GPR55: variants seen among roughly 807,000 people sequenced by gnomAD.
GPR55 encodes the protein G protein-coupled receptor 55.
In GPR55, 6 loss-of-function variants were observed where a neutral mutation model predicts 7.9. The ratio of observed to expected loss-of-function variants is 0.76; its 90% CI spans 0.41 to 1.49. The LOEUF is 1.49. Ranked by LOEUF, GPR55 falls within the 40% of genes most tolerant of loss-of-function variation. GPR55 has a pLI of 0.01. For missense variants in GPR55, 376 were observed against 406.0 expected (o/e 0.93, Z 0.63); for synonymous variants, 183 against 166.8 (o/e 1.10, Z -0.75).
chr2:230,931,709 C>G (rs1012709839), intron 1 of GPR55, among the ~76,000 whole-genome samples: 5 of 152,140 alleles, frequency 3.3e-5, no homozygotes, highest in Non-Finnish European at 7.4e-5. Flanking sequence ...GGTGCGACCT[C>G]CTGCTGCTCT....
intron 1 of GPR55, among the ~76,000 whole-genome samples, chr2:230,940,015 A>G (rs1691199148): frequency 6.6e-6 from 1 of 152,094 alleles, no homozygotes; most frequent in African/African-American, 2.4e-5. Flanking sequence ...GTAGGCCCAA[A>G]GTGTCCTGCC....
chr2:230,926,910 C>T (rs1032293846), upstream of GPR55, among the ~76,000 whole-genome samples: 1 of 151,938 alleles, frequency 6.6e-6, no homozygotes, highest in African/African-American at 2.4e-5. Context: ...TCAGGCTGGT[C>T]TTGAACTCCC....
chr2:230,910,796 T>C lies in GPR55; in HGVS notation c.167A>G (p.Tyr56Cys), dbSNP rs768593618. Residue 56 changes from tyrosine to cysteine, a missense_variant, in exon 2 of 2, where the codon TAT (tyrosine) becomes TGT (cysteine). Transcript: ENST00000650999. The surrounding 1 kb of genome is among the most constrained non-coding windows in gnomAD (Gnocchi z 5.4). ...GATCATGTAGATGGAGGTGGCAGCA[T>C]AATCGGGCCACCTGTTCTTAAGGAA... Reference protein sequence around the residue: ...STFLKNRWPDYAATSIYMINL... With the variant: ...STFLKNRWPDCAATSIYMINL... The C allele has an allele frequency of 2.0e-5, 32 of 1,613,572 alleles. No homozygotes were observed. The highest frequency in any genetic ancestry group is 2.5e-5 in the Non-Finnish European group (29 of 1,179,772).
intron 1 of GPR55, among the ~76,000 whole-genome samples, chr2:230,949,170 TTTG>T (rs1401047296): frequency 6.6e-6 from 1 of 151,968 alleles, no homozygotes; most frequent in Non-Finnish European, 1.5e-5. Context: ...TGTTTGTTTG[TTTG>T]TTTTCTTTGA....
Position 230,930,515 on chromosome 2 carries a change from A to G in GPR55, c.-134-19419T>C, listed in dbSNP as rs948696057. Among the ~76,000 whole-genome samples the G allele has an allele frequency of 4.1e-5, 6 of 147,176 alleles. No individual in the cohort carries two copies. The Admixed American group carries it at 4.1e-4, about 10-fold the overall frequency. Reference sequence around the variant, plus strand: ...ACTTAGGCTGGGGTGCAGTGGCATGATCTCAGCTCACTGCAACCTTCGTTT... The same window carrying G: ...ACTTAGGCTGGGGTGCAGTGGCATGGTCTCAGCTCACTGCAACCTTCGTTT... On this transcript the variant is annotated intron_variant, in intron 1 of 1. Coordinates refer to the GPR55 transcript ENST00000392039.
intron 1 of GPR55, among the ~76,000 whole-genome samples, chr2:230,914,150 C>T (rs1458569055): frequency 6.6e-6 from 1 of 152,224 alleles, no homozygotes; most frequent in Admixed American, 6.5e-5. Context: ...CAAACCCAGA[C>T]ACAGTGTGTG....
Position 230,911,082 on chromosome 2 carries a change from C to T in GPR55, c.-120G>A. On this transcript the variant is annotated 5_prime_UTR_variant, in exon 2 of 2. Transcript: ENST00000650999. The stretch of plus-strand genomic sequence containing the variant: ...CCCCAGCATCACACAGCAATTCATG[C>T]CCATTGAATCACAACTAGAACACAG... 1 of 993,320 alleles carries T rather than the reference C, an allele frequency of 1.0e-6. No individual in the cohort carries two copies. Among genetic ancestry groups the T allele is most frequent in the Non-Finnish European group, 1.5e-6 (1 of 660,670 alleles). The allele number at this position is 993,320 out of a possible 1,614,324, so 61.5% of individuals were successfully genotyped here.
chr2:230,910,106 A>T lies in GPR55; in HGVS notation c.857T>A (p.Phe286Tyr). The change falls in exon 2 of 2, where the codon TTC (phenylalanine) becomes TAC (tyrosine). Residue 286 changes from phenylalanine to tyrosine, a missense_variant. Physicochemically the swap from Phe to Tyr is conservative, Grantham distance 22. Transcript: ENST00000650999. This position sits in a 1 kb window ranked among gnomAD's most constrained non-coding sequence, Gnocchi z 5.4. ...FSNVNCCLDVFCYYFVIKEFR... is the reference protein window; with the variant it reads ...FSNVNCCLDVYCYYFVIKEFR... The stretch of plus-strand genomic sequence containing the variant: ...TTCTTTGATGACAAAGTAGTAGCAG[A>T]AAACATCCAGGCAGCAGTTGACGTT... 1.9e-6 allele frequency: 3 copies of T among 1,614,208 alleles called. No individual in the cohort carries two copies. The highest frequency in any genetic ancestry group is 2.5e-6 in the Non-Finnish European group (3 of 1,180,026).
In GPR55 at chr2:230,908,032, TGGCTC is replaced by T. The variant is rs1447743828; in HGVS notation, c.*1966_*1970del. The T allele has an allele frequency of 1.2e-4, 15 of 127,116 alleles. No individual in the cohort carries two copies. The highest frequency in any genetic ancestry group is 4.5e-4 in the African/African-American group (14 of 30,834). 7.9% of individuals were successfully genotyped at this position (127,116 alleles called of 1,614,324 possible). ...AAATGCCCCGTTGCATGTGAAAGTC[TGGCTC>T]CCTCAGAGTATCACGGGTGGGTCTC... is the stretch of plus-strand genomic sequence containing the variant. On this transcript the variant is annotated 3_prime_UTR_variant, in exon 2 of 2. Transcript: ENST00000650999.
intron 1 of GPR55, among the ~76,000 whole-genome samples, chr2:230,919,452 A>T (rs3111783): frequency 0.51 from 76,870 of 152,016 alleles, 22,112 homozygotes; most frequent in African/African-American, 0.81. Context: ...CAACAATAGA[A>T]GAACAAGCCA....
chr2:230,942,541 A>G (rs1295142490), intron 1 of GPR55, among the ~76,000 whole-genome samples: 1 of 152,158 alleles, frequency 6.6e-6, no homozygotes, highest in Non-Finnish European at 1.5e-5. Context: ...GCAGTAGAGC[A>G]TCTGCCCTGG....
chr2:230,958,170 C>A (rs2125072754), intron 1 of GPR55, among the ~76,000 whole-genome samples: 2 of 152,228 alleles, frequency 1.3e-5, no homozygotes, highest in South Asian at 4.1e-4. Context: ...ATAGTGAAAC[C>A]ACACATAAGA....
intron 1 of GPR55, among the ~76,000 whole-genome samples, chr2:230,942,677 TGCAGGGTGGCAGGGTCCAAAG>T (rs1691251995): frequency 6.6e-6 from 1 of 151,490 alleles, no homozygotes; most frequent in African/African-American, 2.4e-5. Context: ...TTCAGGGGGC[TGCAGGGTGGCAGGGTCCAAAG>T]GCCAGGGGCA....
chr2:230,907,931 C>A lies in GPR55; in HGVS notation c.*2072G>T, dbSNP rs985544356. The A allele has an allele frequency of 6.6e-6, 1 of 152,198 alleles. No homozygotes were observed. The highest frequency in any genetic ancestry group is 6.5e-5 in the Admixed American group (1 of 15,280). 9.4% of individuals were successfully genotyped at this position (152,198 alleles called of 1,614,324 possible). A position where few individuals can be genotyped will look rare whatever the true frequency, so the allele number is the denominator to read the frequency against. ...AACTCCACCAGGCAGGCTCCCAACTCCTCGTGCAGAGAAAGAAGTGGGAGG... is the reference window on the plus strand; with the variant it reads ...AACTCCACCAGGCAGGCTCCCAACTACTCGTGCAGAGAAAGAAGTGGGAGG... On this transcript the variant is annotated 3_prime_UTR_variant, in exon 2 of 2. Coordinates refer to ENST00000650999, the MANE Select transcript of GPR55 (RefSeq NM_005683.4).
chr2:230,924,147 G>A lies in GPR55; in HGVS notation c.-135+1021C>T, dbSNP rs2125057467. ...ATGTCCCTTTCACCTTTATCACCGAGCCTCACATACAGTTTGTCGTTGGGA... is the reference window on the plus strand; with the variant it reads ...ATGTCCCTTTCACCTTTATCACCGAACCTCACATACAGTTTGTCGTTGGGA... On this transcript the variant is annotated intron_variant, in intron 1 of 1. Transcript: ENST00000650999. This position sits in a 1 kb window ranked among gnomAD's most constrained non-coding sequence, Gnocchi z 4.5. 6.6e-6 allele frequency among the ~76,000 whole-genome samples: 1 copy of A among 152,218 alleles called. No individual in the cohort carries two copies. Among genetic ancestry groups the A allele is most frequent in the East Asian group, 1.9e-4 (1 of 5,184 alleles).
upstream of GPR55, among the ~76,000 whole-genome samples, chr2:230,928,970 C>T (rs1485682617): frequency 1.3e-5 from 2 of 152,220 alleles, no homozygotes; most frequent in East Asian, 3.8e-4. Flanking sequence ...TCTCCCCTCC[C>T]ATTCTGCCGG....
intron 1 of GPR55, among the ~76,000 whole-genome samples, chr2:230,921,520 T>C (rs1314945283): frequency 6.6e-6 from 1 of 152,240 alleles, no homozygotes; most frequent in Admixed American, 6.5e-5. Context: ...AATACAGGCA[T>C]TTCTATGCAT....
intron 1 of GPR55, among the ~76,000 whole-genome samples, chr2:230,935,767 A>G (rs539923363): frequency 3.9e-5 from 6 of 152,240 alleles, no homozygotes; most frequent in Non-Finnish European, 7.3e-5. Context: ...CGCTTGGAAA[A>G]AGAAGTGTTT....
At chr2:230,947,694 G>T (rs887363644) in intron 1 of GPR55, among the ~76,000 whole-genome samples, 4 of 151,898 alleles carry the variant, frequency 2.6e-5, no homozygotes, top group African/African-American at 9.7e-5. Flanking sequence ...TAGAGACTAG[G>T]TCTTACTATA....
Sources: allele counts gnomAD v4.1 joint callset (sites outside exome capture counted in the v4.1 genomes callset), GRCh38; gene constraint gnomAD v4.1.1; non-coding constraint Gnocchi (gnomAD v3.1); transcripts MANE v1.5; gene names NCBI Gene and HGNC (gene_info 2026-07-23, HGNC 2026-07-21).